The following PCDH9 variants were observed in gnomAD, a reference collection of about 807,000 sequenced individuals.
The protein encoded by PCDH9 is protocadherin-9.
A neutral mutation model predicts 70.6 loss-of-function variants in PCDH9; 24 were observed. The ratio of observed to expected loss-of-function variants is 0.34; its 90% CI spans 0.25 to 0.48. The LOEUF (loss-of-function observed/expected upper bound fraction) is 0.48, where lower values mean the gene tolerates loss of function less well. PCDH9 is among the 20% of genes least tolerant of loss of function. The pLI is 0.99. For synonymous variants in PCDH9, 562 were observed against 558.5 expected, an observed-to-expected ratio of 1.01 and a Z score of -0.09; for missense variants, 1,281 against 1,503.6, an observed-to-expected ratio of 0.85 and a Z score of 2.45.
intron 3 of PCDH9, among the ~76,000 whole-genome samples, chr13:66,757,753 G>T (rs2079558928): frequency 6.6e-6 from 1 of 152,074 alleles, no homozygotes. Context: ...ATATGCATGA[G>T]ATAGCATTAA....
intron 4 of PCDH9, among the ~76,000 whole-genome samples, chr13:66,423,139 C>A (rs1207983742): frequency 6.6e-6 from 1 of 152,124 alleles, no homozygotes; most frequent in African/African-American, 2.4e-5. Context: ...AGACCAATAA[C>A]AAGTTCTGAA....
chr13:66,863,016 G>A (rs1481195864), intron 3 of PCDH9, among the ~76,000 whole-genome samples: 1 of 152,082 alleles, frequency 6.6e-6, no homozygotes, highest in Non-Finnish European at 1.5e-5. Flanking sequence ...CTTAACAGTG[G>A]AATGTTTGAA....
In PCDH9 at chr13:66,770,571, G is replaced by A. The variant is rs564800853; in HGVS notation, c.3138+132933C>T. Among the ~76,000 whole-genome samples, 24 of 152,114 alleles carry A rather than the reference G, an allele frequency of 1.6e-4. No homozygotes were observed. In the East Asian group the frequency reaches 4.1e-3, roughly 26 times the overall value. ...GGGCCTCCTGCCCTCCAACTTTTTC[G>A]GAGGGTCCAGCTAATGGGTCATCAA... is the stretch of plus-strand genomic sequence containing the variant. On this transcript the variant is annotated intron_variant, in intron 3 of 4. Transcript: ENST00000377865.
Position 67,229,825 on chromosome 13 carries a change from G to T in PCDH9, c.-181C>A, listed in dbSNP as rs1566517159. ...CCCTTTCCCAGTATGCTGCAGTTAGGAATGATTTGTTCCAACACATAGAAA... is the reference window on the plus strand; with the variant it reads ...CCCTTTCCCAGTATGCTGCAGTTAGTAATGATTTGTTCCAACACATAGAAA... On this transcript the variant is annotated 5_prime_UTR_variant, in exon 1 of 5. Coordinates refer to ENST00000377865, the MANE Select transcript of PCDH9 (RefSeq NM_203487.3). 1 of 152,218 alleles carries T rather than the reference G, an allele frequency of 6.6e-6. No individual in the cohort carries two copies. The highest frequency in any genetic ancestry group is 6.5e-5 in the Admixed American group (1 of 15,280). 9.4% of individuals were successfully genotyped at this position (152,218 alleles called of 1,614,324 possible).
At chr13:66,524,072 A>G (rs565422731) in intron 4 of PCDH9, among the ~76,000 whole-genome samples, 1 of 152,022 alleles carries the variant, frequency 6.6e-6, no homozygotes, top group African/African-American at 2.4e-5. Context: ...ATAAATAAAT[A>G]GTGGGAATGG....
At chr13:66,825,901 A>C (rs2080816174) in intron 3 of PCDH9, among the ~76,000 whole-genome samples, 1 of 152,178 alleles carries the variant, frequency 6.6e-6, no homozygotes, top group African/African-American at 2.4e-5. Context: ...AATTTTTTTA[A>C]AAAAGAATGA....
At chr13:66,562,285 G>GC (rs1455548920) in intron 4 of PCDH9, among the ~76,000 whole-genome samples, 20 of 152,214 alleles carry the variant, frequency 1.3e-4, no homozygotes, top group African/African-American at 4.8e-4. Context: ...TCTTAGCTCA[G>GC]CATGTAGGCT....
At chr13:66,668,957 C>A (rs1190618803) in intron 3 of PCDH9, among the ~76,000 whole-genome samples, 3 of 152,054 alleles carry the variant, frequency 2.0e-5, no homozygotes. Flanking sequence ...ATTTGATAGA[C>A]CTAGAATTTT....
intron 4 of PCDH9, among the ~76,000 whole-genome samples, chr13:66,452,009 A>C (rs1471576347): frequency 6.6e-6 from 1 of 152,114 alleles, no homozygotes; most frequent in Non-Finnish European, 1.5e-5. Flanking sequence ...GGGTCCCCTA[A>C]ATTCTGAAAT....
intron 3 of PCDH9, among the ~76,000 whole-genome samples, chr13:66,696,307 T>C (rs141736777): frequency 1.2e-3 from 176 of 152,354 alleles, no homozygotes; most frequent in African/African-American, 4.0e-3. Flanking sequence ...AACTCAATAT[T>C]CAGTTATCAT....
intron 2 of PCDH9, among the ~76,000 whole-genome samples, chr13:66,972,353 C>T (rs948329726): frequency 1.3e-5 from 2 of 151,872 alleles, no homozygotes; most frequent in Non-Finnish European, 2.9e-5. Context: ...GAGGATGAGA[C>T]AATTATCATA....
intron 4 of PCDH9, among the ~76,000 whole-genome samples, chr13:66,315,508 G>A (rs978409501): frequency 6.6e-6 from 1 of 151,952 alleles, no homozygotes; most frequent in Admixed American, 6.6e-5. Flanking sequence ...TTGAAATGGA[G>A]TTTCGCTCTG....
intron 4 of PCDH9, among the ~76,000 whole-genome samples, chr13:66,539,409 C>G (rs1445916584): frequency 6.6e-6 from 1 of 152,072 alleles, no homozygotes; most frequent in Non-Finnish European, 1.5e-5. Flanking sequence ...TGTTGCTGTT[C>G]TCATGATAGT....
chr13:66,950,955 G>A (rs573790494), intron 2 of PCDH9, among the ~76,000 whole-genome samples: 15 of 118,734 alleles, frequency 1.3e-4, no homozygotes, highest in African/African-American at 5.8e-4. Context: ...TTAACCCTTG[G>A]CTTATAAGCA....
At chr13:66,407,030 T>C (rs1357357146) in intron 4 of PCDH9, among the ~76,000 whole-genome samples, 2 of 152,188 alleles carry the variant, frequency 1.3e-5, no homozygotes, top group African/African-American at 4.8e-5. Flanking sequence ...ACAAGGTTTA[T>C]GTGCTTATCT....
In PCDH9 at chr13:67,168,577, A is replaced by C. The variant is rs562524836; in HGVS notation, c.3036+56828T>G. ...CCCCATTTCTACAAAATGTTAAAAA[A>C]AAAAATTAGCCAGGCATGGTGGGTG... On this transcript the variant is annotated intron_variant, in intron 2 of 4. Transcript: ENST00000377865. Among the ~76,000 whole-genome samples the C allele has an allele frequency of 3.9e-5, 6 of 151,954 alleles. No individual in the cohort carries two copies. In the East Asian group the frequency reaches 1.2e-3, roughly 29 times the overall value.
chr13:66,342,088 T>C (rs1278010506), intron 4 of PCDH9, among the ~76,000 whole-genome samples: 2 of 152,172 alleles, frequency 1.3e-5, no homozygotes, highest in African/African-American at 4.8e-5. Flanking sequence ...TATTTCTGAA[T>C]AGGAAAGAAC....
At chr13:66,672,658 G>T (rs528898009) in intron 3 of PCDH9, among the ~76,000 whole-genome samples, 11 of 152,200 alleles carry the variant, frequency 7.2e-5, no homozygotes, top group Admixed American at 7.2e-4. Flanking sequence ...AGTTGGGAGG[G>T]GGGCTGTACT....
At chr13:67,155,010 T>A (rs1227348266) in intron 2 of PCDH9, among the ~76,000 whole-genome samples, 2 of 152,164 alleles carry the variant, frequency 1.3e-5, no homozygotes, top group Non-Finnish European at 2.9e-5. Context: ...TATTTCTTTT[T>A]ACCTAATTTC....
Sources: gnomAD v4.1 joint callset for allele counts (sites outside exome capture counted in the v4.1 genomes callset) on GRCh38, gnomAD v4.1.1 for gene constraint, MANE v1.5 for transcripts, NCBI Gene and HGNC (gene_info 2026-07-23, HGNC 2026-07-21) for gene names.